Variants in OGT observed in about 807,000 individuals in gnomAD.
OGT encodes the protein O-linked N-acetylglucosamine (GlcNAc) transferase, also known as UDP-N-acetylglucosamine--peptide N-acetylglucosaminyltransferase 110 kDa subunit.
OGT carries 3 observed loss-of-function variants against 75.8 expected under a neutral mutation model. The ratio of observed to expected loss-of-function variants is 0.04; its 90% CI spans 0.02 to 0.10. The LOEUF (loss-of-function observed/expected upper bound fraction) is 0.10, where lower values mean the gene tolerates loss of function less well. Among genes scored for constraint, OGT ranks in the 10% least tolerant of loss-of-function variants. The probability of loss-of-function intolerance (pLI) is 1.00; values close to 1 mark genes in which losing one functional copy is unlikely to be tolerated. For synonymous variants in OGT, 257 were observed against 289.7 expected, an observed-to-expected ratio of 0.89 and a Z score of 1.15; for missense variants, 260 against 824.4, an observed-to-expected ratio of 0.32 and a Z score of 8.38.
chrX:71,559,557 G>A, intron 13 of OGT, 31 bp from the exon 14 acceptor site: 2 of 1,182,154 alleles, frequency 1.7e-6, no homozygotes, highest in Non-Finnish European at 2.3e-6. Flanking sequence ...TTGAGCCAAT[G>A]TTATTAAATA....
At chrX:71,562,363 G>A (rs750556940) in intron 15 of OGT, among the ~76,000 whole-genome samples, 99 of 112,868 alleles carry the variant, frequency 8.8e-4, no homozygotes, top group African/African-American at 3.0e-3. Context: ...TATTTGGGAG[G>A]CTAAGGTGGA....
At chrX:71,535,154 G>T (rs2040166574) in intron 1 of OGT, among the ~76,000 whole-genome samples, 1 of 106,768 alleles carries the variant, frequency 9.4e-6, no homozygotes. Context: ...CCCTCTCTGG[G>T]CTTTAGCTAT....
intron 4 of OGT, chrX:71,546,760 G>A (rs1569425655): frequency 4.0e-6 from 3 of 754,170 alleles, no homozygotes; most frequent in East Asian, 3.0e-4. Flanking sequence ...GCAGCATTCT[G>A]CTCTTCTGAT....
chrX:71,544,458 T>G, intron 3 of OGT, 109 bp from the exon 4 acceptor site: 1 of 691,986 alleles, frequency 1.4e-6, no homozygotes, highest in Non-Finnish European at 2.2e-6. Context: ...GGCAGTATCT[T>G]TAGTTGATAG....
At chrX:71,537,739 C>T (rs975152976) in intron 2 of OGT, 90 bp from the exon 3 acceptor site, 22 of 1,044,651 alleles carry the variant, frequency 2.1e-5, no homozygotes, top group Non-Finnish European at 2.8e-5. Flanking sequence ...AGCAATAGCA[C>T]AGATCTCAAA....
At chrX:71,557,164 T>C (rs1354111013) in intron 10 of OGT, 31 bp from the exon 11 acceptor site, 1 of 1,200,236 alleles carries the variant, frequency 8.3e-7, no homozygotes, top group Non-Finnish European at 1.1e-6. Flanking sequence ...TTTTGGAAAT[T>C]TTTTACCATC....
rs767137965 is a variant in OGT, at chrX:71,567,643, C to T, written c.2733C>T (p.His911=). Residue 911 remains histidine, a synonymous_variant, in exon 20 of 22, where the codon CAC becomes CAT. Transcript: ENST00000373719. ...IFSPVAPKEE[H]VRRGQLADVC... The stretch of plus-strand genomic sequence containing the variant: ...CACCTGTTGCTCCTAAAGAGGAACA[C>T]GTCAGGAGAGGCCAGCTGGCTGATG... 1.2e-5 allele frequency: 15 copies of T among 1,209,855 alleles called. No individual in the cohort carries two copies. In the East Asian group the frequency reaches 2.4e-4, roughly 19 times the overall value.
Position 71,567,672 on chromosome X carries a change from G to C in OGT, c.2762G>C (p.Cys921Ser). The C allele has an allele frequency of 8.3e-7, 1 of 1,210,744 alleles. No individual in the cohort carries two copies. Among genetic ancestry groups the C allele is most frequent in the Non-Finnish European group, 1.1e-6 (1 of 894,678 alleles). The change falls in exon 20 of 22, where the codon TGC becomes TCC. Residue 921 changes from cysteine to serine, a missense_variant. By Grantham distance (112) the Cys-to-Ser change is moderately radical (BLOSUM62 -1). This residue lies in a region of OGT where 9 missense variants were observed against 52.2 expected (regional missense o/e 0.17). Transcript: ENST00000373719. ...AGGAGAGGCCAGCTGGCTGATGTCT[G>C]CTTGGACACTCCACTCTGTAATGGG... ...HVRRGQLADVCLDTPLCNGHT... is the reference protein window; with the variant it reads ...HVRRGQLADVSLDTPLCNGHT...
rs894982296 is a variant in OGT, at chrX:71,534,826, C to T, written c.38-1352C>T. On this transcript the variant is annotated intron_variant, in intron 1 of 21. Coordinates refer to ENST00000373719, the MANE Select transcript of OGT (RefSeq NM_181672.3). ...ACAAGGAGCTAGGAAGTTCTAGAGA[C>T]TTAGCTAAAATGTAATTTTAGTTTC... Among the ~76,000 whole-genome samples, 29 of 112,031 alleles carry T rather than the reference C, an allele frequency of 2.6e-4. 1 individual carries two copies. The highest frequency in any genetic ancestry group is 1.6e-3 in the Admixed American group (17 of 10,544).
chrX:71,560,048 G>A lies in OGT; in HGVS notation c.1851+371G>A, dbSNP rs749321440. 2.3e-4 allele frequency among the ~76,000 whole-genome samples: 25 copies of A among 110,327 alleles called. No homozygotes were observed. In the East Asian group the frequency reaches 6.8e-3, roughly 30 times the overall value. The stretch of plus-strand genomic sequence containing the variant: ...TGTAATCCCAGCACTTTGGGAGGTC[G>A]AGGCGGGCAGATCATGAGGTCAGGA... On this transcript the variant is annotated intron_variant, in intron 14 of 21. Transcript: ENST00000373719.
At chrX:71,551,767 CT>C (rs2040305807) in intron 5 of OGT, among the ~76,000 whole-genome samples, 1 of 112,263 alleles carries the variant, frequency 8.9e-6, no homozygotes, top group East Asian at 2.8e-4. Flanking sequence ...CCTAATTAAG[CT>C]TCTGGTTCTA....
chrX:71,533,774 A>C (rs1010840768), intron 1 of OGT, among the ~76,000 whole-genome samples: 32 of 103,962 alleles, frequency 3.1e-4, no homozygotes, highest in Non-Finnish European at 6.3e-4. Flanking sequence ...TTTTCCCCTT[A>C]GCCAGATTTG....
At chrX:71,542,099 A>G (rs1489571529) in intron 3 of OGT, among the ~76,000 whole-genome samples, 4 of 112,088 alleles carry the variant, frequency 3.6e-5, no homozygotes, top group Non-Finnish European at 5.6e-5. Flanking sequence ...CCCCTTGATG[A>G]TAAGGATTCT....
chrX:71,554,803 T>C (rs1307964000), intron 6 of OGT, among the ~76,000 whole-genome samples: 1 of 112,377 alleles, frequency 8.9e-6, no homozygotes, highest in East Asian at 2.7e-4. Flanking sequence ...CCGTTATCCT[T>C]CTCATTGGGA....
chrX:71,543,299 G>T (rs749648401), intron 3 of OGT, among the ~76,000 whole-genome samples: 13 of 111,666 alleles, frequency 1.2e-4, no homozygotes, highest in Admixed American at 8.6e-4. Context: ...TGTTGTCATT[G>T]TTTCTGCCTG....
intron 3 of OGT, among the ~76,000 whole-genome samples, chrX:71,541,137 C>G (rs1195654242): frequency 8.9e-6 from 1 of 111,933 alleles, no homozygotes; most frequent in Non-Finnish European, 1.9e-5. Flanking sequence ...TTGTTTTAAA[C>G]AGGTCTGTTT....
chrX:71,551,695 G>A (rs2040305424), intron 5 of OGT, among the ~76,000 whole-genome samples: 1 of 111,962 alleles, frequency 8.9e-6, no homozygotes, highest in Non-Finnish European at 1.9e-5. Context: ...CAGGTATTAA[G>A]TACCTTGTGG....
chrX:71,564,669 C>T lies in OGT; in HGVS notation c.2505C>T (p.Tyr835=), dbSNP rs1255833018. Reference sequence around the variant, plus strand: ...TTATTGTAACCACCCGTTCTCAGTACGGGTTACCAGAAGATGCCATCGTAT... The same window carrying T: ...TTATTGTAACCACCCGTTCTCAGTATGGGTTACCAGAAGATGCCATCGTAT... ...RTIIVTTRSQ[Y]GLPEDAIVYC... Residue 835 remains tyrosine, a synonymous_variant, in exon 19 of 22, where the codon TAC becomes TAT. Transcript: ENST00000373719. 8 of 1,194,203 alleles carry T rather than the reference C, an allele frequency of 6.7e-6. No homozygotes were observed. Among genetic ancestry groups the T allele is most frequent in the Middle Eastern group, 2.3e-4 (1 of 4,320 alleles).
intron 4 of OGT, 81 bp from the exon 5 acceptor site, chrX:71,547,826 C>G: frequency 3.6e-5 from 26 of 725,211 alleles, no homozygotes; most frequent in East Asian, 2.5e-4. Context: ...TCCCCCCAAT[C>G]TTTTTTTTTT....
Sources: gnomAD v4.1 joint callset for allele counts (sites outside exome capture counted in the v4.1 genomes callset) on GRCh38, gnomAD v4.1.1 for gene constraint, gnomAD v4.1.1 regional missense constraint, MANE v1.5 for transcripts, NCBI Gene and HGNC (gene_info 2026-07-23, HGNC 2026-07-21) for gene names.